The following HIBCH variants were observed in gnomAD, a reference collection of about 807,000 sequenced individuals.
HIBCH encodes the protein 3-hydroxyisobutyryl-CoA hydrolase.
HIBCH carries 50 observed loss-of-function variants against 58.2 expected under a neutral mutation model. The observed-to-expected ratio is 0.86, with a 90% CI of 0.68 to 1.09. The LOEUF (loss-of-function observed/expected upper bound fraction) is 1.09, where lower values mean the gene tolerates loss of function less well. Ranked by LOEUF, HIBCH falls within the 50% of genes least tolerant of loss-of-function variation. The pLI is 0.00. For missense variants in HIBCH, 450 were observed against 449.7 expected (o/e 1.00, Z -0.01); for synonymous variants, 151 against 146.9 (o/e 1.03, Z -0.20).
rs1337744287 is a variant in HIBCH, at chr2:190,236,702, G to C, written c.891+8185C>G. Among the ~76,000 whole-genome samples the C allele has an allele frequency of 6.6e-6, 1 of 152,046 alleles. No individual in the cohort carries two copies. Among genetic ancestry groups the C allele is most frequent in the Non-Finnish European group, 1.5e-5 (1 of 67,994 alleles). ...TTCTTTTTTGTATCTACAATAAAAG[G>C]CTTAGAGCCAGTGCAAGAAGGCTGC... is the stretch of plus-strand genomic sequence containing the variant. On this transcript the variant is annotated intron_variant, in intron 11 of 13. Coordinates refer to ENST00000359678, the MANE Select transcript of HIBCH (RefSeq NM_014362.4). The surrounding 1 kb of genome is among the most constrained non-coding windows in gnomAD (Gnocchi z 4.1).
intron 11 of HIBCH, among the ~76,000 whole-genome samples, chr2:190,219,586 C>T (rs1442258109): frequency 1.3e-5 from 2 of 152,154 alleles, no homozygotes; most frequent in African/African-American, 4.8e-5. Flanking sequence ...TTGAAGAGCC[C>T]CTGAGCTAAC....
rs1489035617 is a variant in HIBCH, at chr2:190,279,953, G to A, written c.438+7633C>T. ...TGGAAACCGGACACAGCAGTAGGGT[G>A]AACGCGTCAGGTTATAAATTACCCT... is the stretch of plus-strand genomic sequence containing the variant. On this transcript the variant is annotated intron_variant, in intron 6 of 13. Transcript: ENST00000359678. This position sits in a 1 kb window ranked among gnomAD's most constrained non-coding sequence, Gnocchi z 4.2. 6.5e-6 allele frequency: 1 copy of A among 153,628 alleles called. No homozygotes were observed. The highest frequency in any genetic ancestry group is 1.9e-4 in the East Asian group (1 of 5,254). 9.5% of individuals were successfully genotyped at this position (153,628 alleles called of 1,614,324 possible).
At chr2:190,296,149 G>C (rs569222264) in intron 3 of HIBCH, among the ~76,000 whole-genome samples, 1 of 152,116 alleles carries the variant, frequency 6.6e-6, no homozygotes, top group Non-Finnish European at 1.5e-5. Flanking sequence ...GGCCGGGTGC[G>C]GTGGCTCACG....
intron 2 of HIBCH, among the ~76,000 whole-genome samples, chr2:190,305,031 A>C (rs291435): frequency 0.72 from 108,936 of 152,014 alleles, 39,594 homozygotes; most frequent in South Asian, 0.75. Flanking sequence ...AAAGTCTCTA[A>C]AACTTTTTCA....
At chr2:190,241,104 T>TC (rs1686441062) in intron 11 of HIBCH, among the ~76,000 whole-genome samples, 1 of 152,146 alleles carries the variant, frequency 6.6e-6, no homozygotes, top group South Asian at 2.1e-4. Context: ...TGTGTGGGAG[T>TC]CTAAGCCTCT....
At chr2:190,259,127 G>A (rs773768419) in intron 7 of HIBCH, among the ~76,000 whole-genome samples, 2 of 151,964 alleles carry the variant, frequency 1.3e-5, no homozygotes, top group Non-Finnish European at 2.9e-5. Context: ...ATGAATTTTA[G>A]AATTGTTTTT....
rs1686797397 is a variant in HIBCH, at chr2:190,252,283, C to G, written c.542G>C (p.Gly181Ala). 6.2e-7 allele frequency: 1 copy of G among 1,613,262 alleles called. No homozygotes were observed. Among genetic ancestry groups the G allele is most frequent in the South Asian group, 1.1e-5 (1 of 91,054 alleles). The change falls in exon 8 of 14, where the codon GGT becomes GCT. Residue 181 changes from glycine (G) to alanine (A), a missense_variant. Transcript: ENST00000359678. The stretch of plus-strand genomic sequence containing the variant: ...TCCTTGGAGTCGTGGCAAGAAATAA[C>G]CTCCACCCACATCAGGGAACAGTCC... ...AIGLFPDVGG[G>A]YFLPRLQGKL...
downstream of HIBCH, chr2:190,201,136 G>A (rs1690227318): frequency 6.0e-6 from 1 of 166,884 alleles, no homozygotes; most frequent in South Asian, 2.1e-4. Context: ...TCGTTTTCTG[G>A]GTTTTTGTTA....
At chr2:190,220,396 C>A (rs1361395207) in intron 11 of HIBCH, 4 of 152,096 alleles carry the variant, frequency 2.6e-5, no homozygotes, top group Non-Finnish European at 5.9e-5. Flanking sequence ...CAGTATCTTA[C>A]ACAGCAGTTG....
chr2:190,318,251 CAA>C (rs11366930), intron 1 of HIBCH, among the ~76,000 whole-genome samples: 22 of 130,654 alleles, frequency 1.7e-4, no homozygotes, highest in East Asian at 2.2e-4. Flanking sequence ...ATTTGGGAAC[CAA>C]AAAAAAAAAA....
At chr2:190,276,510 G>C (rs1687556431) in intron 6 of HIBCH, among the ~76,000 whole-genome samples, 1 of 152,208 alleles carries the variant, frequency 6.6e-6, no homozygotes, top group Admixed American at 6.5e-5. Flanking sequence ...GATCCCTCAT[G>C]AATGGCTTGG....
intron 11 of HIBCH, among the ~76,000 whole-genome samples, chr2:190,226,856 A>G (rs989415945): frequency 9.9e-5 from 15 of 152,092 alleles, no homozygotes; most frequent in Non-Finnish European, 2.1e-4. Context: ...AAAATACCTA[A>G]AATCCAACTT....
rs749513948 is a variant in HIBCH at position 190,207,243 on chromosome 2, ATCTT to A, written c.1045+1633_1045+1636del. Among the ~76,000 whole-genome samples the A allele has an allele frequency of 2.4e-4, 36 of 152,338 alleles. No individual in the cohort carries two copies. Among genetic ancestry groups the A allele is most frequent in the Middle Eastern group, 3.4e-3 (1 of 294 alleles). On this transcript the variant is annotated intron_variant, in intron 13 of 13. Coordinates refer to ENST00000359678, the MANE Select transcript of HIBCH (RefSeq NM_014362.4). This position sits in a 1 kb window ranked among gnomAD's most constrained non-coding sequence, Gnocchi z 4.5. ...ATAACAGTATTTATCTAAAAACAGT[ATCTT>A]TCTTTTTAAAGAAGGGCTATTATAA...
chr2:190,227,331 AT>A (rs1267482696), intron 11 of HIBCH, among the ~76,000 whole-genome samples: 1 of 152,242 alleles, frequency 6.6e-6, no homozygotes, highest in African/African-American at 2.4e-5. Context: ...ATGATTCCCT[AT>A]TTAATAAATG....
chr2:190,272,491 C>T (rs987763630), intron 6 of HIBCH, among the ~76,000 whole-genome samples: 2 of 152,080 alleles, frequency 1.3e-5, no homozygotes, highest in African/African-American at 4.8e-5. Context: ...ACCTCTAGAC[C>T]AAAAATCATC....
rs146070311 is a variant in HIBCH at position 190,207,716 on chromosome 2, A to G, written c.1045+1164T>C. On this transcript the variant is annotated intron_variant, in intron 13 of 13. Transcript: ENST00000359678. This position sits in a 1 kb window ranked among gnomAD's most constrained non-coding sequence, Gnocchi z 4.5. ...GCCAACATGGTGAAACCCCGTTTCT[A>G]CTAAAAATACAAAAATCAGCTAGGC... Among the ~76,000 whole-genome samples, 86 of 152,218 alleles carry G rather than the reference A, an allele frequency of 5.6e-4. No homozygotes were observed. Among genetic ancestry groups the G allele is most frequent in the African/African-American group, 2.0e-3 (84 of 41,532 alleles).
chr2:190,193,882 C>CA (rs1689837496), intron 1 of HIBCH, among the ~76,000 whole-genome samples: 4 of 152,040 alleles, frequency 2.6e-5, no homozygotes, highest in Admixed American at 2.0e-4. Context: ...AAGCTTATAT[C>CA]ACTGATTTAA....
chr2:190,278,181 A>C (rs551280607), intron 6 of HIBCH, among the ~76,000 whole-genome samples: 18 of 152,086 alleles, frequency 1.2e-4, no homozygotes, highest in Non-Finnish European at 2.2e-4. Context: ...ATTCCAGACT[A>C]AACTAGAGAT....
chr2:190,276,954 G>A (rs892273830), intron 6 of HIBCH, among the ~76,000 whole-genome samples: 1 of 152,078 alleles, frequency 6.6e-6, no homozygotes, highest in African/African-American at 2.4e-5. Context: ...TAAATTTGAC[G>A]GAGCTTATGT....
Sources: allele counts gnomAD v4.1 joint callset (sites outside exome capture counted in the v4.1 genomes callset), GRCh38; gene constraint gnomAD v4.1.1; non-coding constraint Gnocchi (gnomAD v3.1); transcripts MANE v1.5; gene names NCBI Gene and HGNC (gene_info 2026-07-23, HGNC 2026-07-21).